CBL: variants seen among roughly 807,000 people sequenced by gnomAD.
The protein encoded by CBL is Cbl proto-oncogene.
Under a neutral mutation model 96.9 loss-of-function variants are expected in CBL, and 45 were observed. The ratio of observed to expected loss-of-function variants is 0.46; its 90% CI spans 0.37 to 0.60. The LOEUF is 0.60. Among genes scored for constraint, CBL ranks in the 20% least tolerant of loss-of-function variants. The pLI is 0.00. For missense variants in CBL, 1,024 were observed against 1,143.5 expected, an observed-to-expected ratio of 0.90 and a Z score of 1.51; for synonymous variants, 420 against 426.8, an observed-to-expected ratio of 0.98 and a Z score of 0.20.
Position 119,278,213 on chromosome 11 carries a change from T to C in CBL, c.1143T>C (p.Cys381=), listed in dbSNP as rs781719210. ...YCEMGSTFQL[C]KICAENDKDV... ...AGATGGGCTCCACATTCCAACTATG[T>C]AAAATATGTGCTGAAAATGATAAGG... The change falls in exon 8 of 16, where the codon TGT becomes TGC. Residue 381 remains cysteine, a synonymous_variant. Coordinates refer to ENST00000264033, the MANE Select transcript of CBL (RefSeq NM_005188.4). 6.2e-7 allele frequency: 1 copy of C among 1,611,922 alleles called. No homozygotes were observed. Among genetic ancestry groups the C allele is most frequent in the Non-Finnish European group, 8.5e-7 (1 of 1,178,002 alleles).
intron 2 of CBL, among the ~76,000 whole-genome samples, chr11:119,266,018 CAA>C (rs398017759): frequency 1.1e-4 from 8 of 76,020 alleles, no homozygotes; most frequent in Admixed American, 3.1e-4. Context: ...GACTCCATCT[CAA>C]AAAAAAAAAA....
Position 119,300,187 on chromosome 11 carries a change from T to G in CBL, c.*406T>G. The G allele has an allele frequency of 2.0e-6, 1 of 492,474 alleles. No homozygotes were observed. The highest frequency in any genetic ancestry group is 3.6e-6 in the Non-Finnish European group (1 of 280,988). The allele number at this position is 492,474 out of a possible 1,614,324, so 30.5% of individuals were successfully genotyped here. A position where few individuals can be genotyped will look rare whatever the true frequency, so the allele number is the denominator to read the frequency against. ...CTGTGGTTGTATGTGTCCTTGTGAT[T>G]ATAAGATTAACCTGCTGTGTGTGTT... On this transcript the variant is annotated 3_prime_UTR_variant, in exon 16 of 16. Coordinates refer to ENST00000264033, the MANE Select transcript of CBL (RefSeq NM_005188.4).
In CBL at chr11:119,303,187, G is replaced by T. The variant is rs1047426369; in HGVS notation, c.*3406G>T. The T allele has an allele frequency of 6.9e-5, 16 of 231,438 alleles. No individual in the cohort carries two copies. Among genetic ancestry groups the T allele is most frequent in the African/African-American group, 2.7e-4 (12 of 45,192 alleles). 14.3% of individuals were successfully genotyped at this position (231,438 alleles called of 1,614,324 possible). A position where few individuals can be genotyped will look rare whatever the true frequency, so the allele number is the denominator to read the frequency against. ...CTTTAAGATCTAGTTCTTTTTGTAG[G>T]TGTTCAGCAATGGTGATAAAGCAGA... is the stretch of plus-strand genomic sequence containing the variant. On this transcript the variant is annotated 3_prime_UTR_variant, in exon 16 of 16. Coordinates refer to ENST00000264033, the MANE Select transcript of CBL (RefSeq NM_005188.4).
Position 119,266,277 on chromosome 11 carries a change from AT to A in CBL, c.444-5456del, listed in dbSNP as rs373489483. ...AGAGTTACAAGATAACTTTTTCAGT[AT>A]TCTATATAGTAGTGACTGTACTGGT... On this transcript the variant is annotated intron_variant, in intron 2 of 15. Coordinates refer to ENST00000264033, the MANE Select transcript of CBL (RefSeq NM_005188.4). 5.8e-3 allele frequency among the ~76,000 whole-genome samples: 884 copies of A among 152,280 alleles called. 8 individuals carry two copies. Among genetic ancestry groups the A allele is most frequent in the African/African-American group, 0.02 (828 of 41,548 alleles).
At chr11:119,211,432 G>A (rs766742039) in intron 1 of CBL, among the ~76,000 whole-genome samples, 1 of 152,066 alleles carries the variant, frequency 6.6e-6, no homozygotes, top group East Asian at 1.9e-4. Flanking sequence ...CCTCAGATAC[G>A]GGGAGATACT....
At chr11:119,280,170 G>A (rs1431828820) in intron 9 of CBL, among the ~76,000 whole-genome samples, 7 of 152,242 alleles carry the variant, frequency 4.6e-5, no homozygotes, top group African/African-American at 1.4e-4. Context: ...TTGTTTGCAG[G>A]CTTACGTATA....
intron 1 of CBL, among the ~76,000 whole-genome samples, chr11:119,208,356 T>G (rs1180225750): frequency 3.9e-5 from 6 of 152,108 alleles, no homozygotes; most frequent in Admixed American, 2.6e-4. Context: ...TGCTTAAGAA[T>G]AATCTGTTTA....
At chr11:119,252,247 C>A (rs1258197424) in intron 2 of CBL, among the ~76,000 whole-genome samples, 1 of 151,842 alleles carries the variant, frequency 6.6e-6, no homozygotes, top group African/African-American at 2.4e-5. Flanking sequence ...TCTAATATAT[C>A]TAGGTGGTTG....
At chr11:119,279,293 A>G (rs1019679689) in intron 9 of CBL, among the ~76,000 whole-genome samples, 1 of 151,892 alleles carries the variant, frequency 6.6e-6, no homozygotes, top group Non-Finnish European at 1.5e-5. Context: ...AGTTGAGCCC[A>G]GTTTGAGGCC....
At chr11:119,258,142 C>T (rs1256695876) in intron 2 of CBL, among the ~76,000 whole-genome samples, 4 of 152,112 alleles carry the variant, frequency 2.6e-5, no homozygotes, top group South Asian at 2.1e-4. Flanking sequence ...GCAGGAGAAT[C>T]GCTTGAACCT....
rs535446118 is a variant in CBL at position 119,281,133 on chromosome 11, C to T, written c.1431+2420C>T. Among the ~76,000 whole-genome samples the T allele has an allele frequency of 9.9e-5, 15 of 152,164 alleles. No individual in the cohort carries two copies. In the South Asian group the frequency reaches 2.3e-3, roughly 23 times the overall value. On this transcript the variant is annotated intron_variant, in intron 9 of 15. Coordinates refer to ENST00000264033, the MANE Select transcript of CBL (RefSeq NM_005188.4). ...TAGGAAATAGGAGTCATCTGTGTTC[C>T]GCTCCAGTCTGCTCCAGTTACTCCT...
At chr11:119,249,692 G>A (rs1403686299) in intron 2 of CBL, among the ~76,000 whole-genome samples, 2 of 150,006 alleles carry the variant, frequency 1.3e-5, no homozygotes, top group Non-Finnish European at 3.0e-5. Context: ...TTGAGACAGG[G>A]TCTCCCTTTA....
chr11:119,294,396 T>C (rs1950049609), intron 12 of CBL, among the ~76,000 whole-genome samples: 1 of 150,536 alleles, frequency 6.6e-6, no homozygotes. Flanking sequence ...GCCATTGCAC[T>C]CCAGCCTGGA....
chr11:119,276,789 T>C (rs1384549320), intron 6 of CBL, among the ~76,000 whole-genome samples: 1 of 152,142 alleles, frequency 6.6e-6, no homozygotes, highest in Non-Finnish European at 1.5e-5. Context: ...CTGAAAGGAG[T>C]GCTGCCCCAA....
intron 1 of CBL, among the ~76,000 whole-genome samples, chr11:119,207,089 C>T (rs1164684696): frequency 2.0e-5 from 3 of 152,076 alleles, no homozygotes; most frequent in Non-Finnish European, 4.4e-5. Context: ...ACTGAGGAAC[C>T]TGGCTGGGGT....
chr11:119,215,683 C>G (rs1051483976), intron 1 of CBL, among the ~76,000 whole-genome samples: 2 of 150,072 alleles, frequency 1.3e-5, no homozygotes, highest in Non-Finnish European at 3.0e-5. Context: ...AAAAAAAAGC[C>G]GAGGGTTGTG....
At chr11:119,240,580 T>C (rs1240142301) in intron 2 of CBL, among the ~76,000 whole-genome samples, 1 of 152,164 alleles carries the variant, frequency 6.6e-6, no homozygotes, top group East Asian at 1.9e-4. Context: ...GTATAGAGCA[T>C]TTGATTGTCC....
At chr11:119,210,272 C>T (rs776522124) in intron 1 of CBL, among the ~76,000 whole-genome samples, 6 of 152,000 alleles carry the variant, frequency 3.9e-5, no homozygotes, top group African/African-American at 1.2e-4. Flanking sequence ...CCTCTAAGCT[C>T]GAGCTGCTTG....
intron 2 of CBL, among the ~76,000 whole-genome samples, chr11:119,268,844 C>A (rs1198143611): frequency 6.6e-6 from 1 of 152,210 alleles, no homozygotes; most frequent in African/African-American, 2.4e-5. Flanking sequence ...AGAAAGAGCT[C>A]TGGTATAACC....
Sources: allele counts gnomAD v4.1 joint callset (sites outside exome capture counted in the v4.1 genomes callset), GRCh38; gene constraint gnomAD v4.1.1; transcripts MANE v1.5; gene names NCBI Gene and HGNC (gene_info 2026-07-23, HGNC 2026-07-21).